MICAL3: variants seen among roughly 807,000 people sequenced by gnomAD.
MICAL3 encodes the protein [F-actin]-monooxygenase MICAL3.
MICAL3 carries 62 observed loss-of-function variants against 207.4 expected under a neutral mutation model. That is an observed-to-expected ratio of 0.30 (90% CI 0.24 to 0.37). The LOEUF (loss-of-function observed/expected upper bound fraction) is 0.37. Ranked by LOEUF, MICAL3 falls within the 10% of genes least tolerant of loss-of-function variation. MICAL3 has a pLI of 1.00. For missense variants in MICAL3, 2,368 were observed against 2,635.6 expected (o/e 0.90, Z 2.22); for synonymous variants, 1,077 against 1,069.3 (o/e 1.01, Z -0.14).
intron 29 of MICAL3, among the ~76,000 whole-genome samples, chr22:17,806,206 T>C (rs1169129320): frequency 6.6e-6 from 1 of 152,218 alleles, no homozygotes; most frequent in Non-Finnish European, 1.5e-5. Context: ...TTCATTTGTT[T>C]ATTTAAATTC....
At position 17,832,076 on chromosome 22, in the gene MICAL3, C is replaced by T; in HGVS notation, c.2833G>A (p.Glu945Lys). The change falls in exon 21 of 32, where the codon GAG becomes AAG. Residue 945 changes from glutamate (E) to lysine (K), a missense_variant. Physicochemically the swap from Glu to Lys is moderately conservative, Grantham distance 56 (BLOSUM62 1). This residue lies in a region of MICAL3 where 1,770 missense variants were observed against 1,863.2 expected (regional missense o/e 0.95). Coordinates refer to ENST00000441493, the MANE Select transcript of MICAL3 (RefSeq NM_015241.3). ...SSESEMEEEGEEEEEEPRLPP... is the reference protein window; with the variant it reads ...SSESEMEEEGKEEEEEPRLPP... ...AGGCGAGGCTCCTCCTCCTCCTCCT[C>T]TCCCTCCTCCTCCATCTCAGACTCG... The T allele has an allele frequency of 6.3e-7, 1 of 1,583,336 alleles. No individual in the cohort carries two copies.
At chr22:17,925,703 A>T (rs1569135095) in intron 1 of MICAL3, among the ~76,000 whole-genome samples, 1 of 152,150 alleles carries the variant, frequency 6.6e-6, no homozygotes, top group East Asian at 1.9e-4. Flanking sequence ...GTGCTTCTCA[A>T]ACTAAAATGA....
intron 20 of MICAL3, among the ~76,000 whole-genome samples, chr22:17,832,573 G>C (rs900710995): frequency 2.0e-5 from 3 of 152,298 alleles, no homozygotes; most frequent in East Asian, 1.9e-4. Flanking sequence ...TTTCATAGAC[G>C]GCCTCGAGGG....
At chr22:17,871,721 T>A (rs2146165990) in intron 17 of MICAL3, 116 bp downstream of exon 17, 1 of 885,392 alleles carries the variant, frequency 1.1e-6, no homozygotes, top group Non-Finnish European at 1.7e-6. Flanking sequence ...GGGAGAGGCA[T>A]GATGGAAAAG....
intron 17 of MICAL3, 46 bp from the exon 18 acceptor site, chr22:17,866,058 GATCCTGAACGTGC>G: frequency 7.1e-7 from 1 of 1,402,872 alleles, no homozygotes; most frequent in Non-Finnish European, 1.0e-6. Context: ...GCCAGGCACG[GATCCTGAACGTGC>G]CTCCCTGGTC....
At chr22:17,791,421 C>A in intron 29 of MICAL3, 120 bp from the exon 30 acceptor site, 1 of 851,252 alleles carries the variant, frequency 1.2e-6, no homozygotes. Context: ...CTTCCACTCC[C>A]AAGCCAGGCC....
chr22:17,795,785 A>G (rs12167254), intron 29 of MICAL3, among the ~76,000 whole-genome samples: 4,581 of 152,216 alleles, frequency 0.03, 224 homozygotes, highest in African/African-American at 0.11. Context: ...GGCTACTTTT[A>G]TAATCAGAAA....
intron 1 of MICAL3, among the ~76,000 whole-genome samples, chr22:17,982,914 A>T (rs1040873826): frequency 1.3e-5 from 2 of 152,266 alleles, no homozygotes; most frequent in Admixed American, 6.5e-5. Flanking sequence ...GGGTGGCGTT[A>T]GTCACAGGGT....
intron 1 of MICAL3, among the ~76,000 whole-genome samples, chr22:18,009,368 TAC>T (rs959849539): frequency 9.3e-5 from 10 of 107,226 alleles, no homozygotes; most frequent in Non-Finnish European, 1.4e-4. Context: ...TATATTAAAA[TAC>T]ACACACACAC....
At chr22:17,799,850 G>A (rs1474092890) in intron 29 of MICAL3, among the ~76,000 whole-genome samples, 1 of 150,998 alleles carries the variant, frequency 6.6e-6, no homozygotes, top group African/African-American at 2.5e-5. Flanking sequence ...CAGGTTGGGA[G>A]GAAAAGTGAA....
chr22:17,810,938 G>A (rs555663219), intron 27 of MICAL3, 125 bp from the exon 28 acceptor site: 162 of 711,878 alleles, frequency 2.3e-4, no homozygotes, highest in African/African-American at 2.8e-4. Flanking sequence ...CGGGCAGATA[G>A]GACAAGCTGT....
At chr22:17,888,165 C>T (rs557493537) in intron 13 of MICAL3, among the ~76,000 whole-genome samples, 2 of 152,284 alleles carry the variant, frequency 1.3e-5, no homozygotes, top group Admixed American at 6.5e-5. Flanking sequence ...TACATATTAT[C>T]CCCATTTTAC....
rs936993395 is a variant in MICAL3 at position 17,788,842 on chromosome 22, A to T, written c.*1890T>A. On this transcript the variant is annotated 3_prime_UTR_variant, in exon 32 of 32. Transcript: ENST00000441493. Reference sequence around the variant, plus strand: ...GAAGCACAGTGTGGTTCCCATGGAAAGCCCAAGGTCAGCACAGCCACTCAG... The same window carrying T: ...GAAGCACAGTGTGGTTCCCATGGAATGCCCAAGGTCAGCACAGCCACTCAG... The T allele has an allele frequency of 1.3e-5, 2 of 152,436 alleles. No homozygotes were observed. Among genetic ancestry groups the T allele is most frequent in the Non-Finnish European group, 2.9e-5 (2 of 68,170 alleles). The allele number at this position is 152,436 out of a possible 1,614,324, so 9.4% of individuals were successfully genotyped here.
At chr22:17,925,945 C>G (rs1288474107) in intron 1 of MICAL3, among the ~76,000 whole-genome samples, 2 of 152,066 alleles carry the variant, frequency 1.3e-5, no homozygotes, top group Non-Finnish European at 2.9e-5. Context: ...CAAACATTTT[C>G]TAAATCACTG....
chr22:17,929,788 G>T (rs577479774), intron 1 of MICAL3, among the ~76,000 whole-genome samples: 20 of 152,060 alleles, frequency 1.3e-4, no homozygotes, highest in African/African-American at 4.6e-4. Flanking sequence ...GGCTGGTCTC[G>T]AACTCCTGAC....
At chr22:17,863,272 A>G in intron 19 of MICAL3, 1 of 985,416 alleles carries the variant, frequency 1.0e-6, no homozygotes, top group Non-Finnish European at 1.2e-6. Flanking sequence ...CGAAATGGAA[A>G]GTTTAGTTTC....
At chr22:17,854,510 C>T (rs548331453) in intron 19 of MICAL3, among the ~76,000 whole-genome samples, 2 of 152,264 alleles carry the variant, frequency 1.3e-5, no homozygotes, top group Admixed American at 6.5e-5. Context: ...GAGGACCAAC[C>T]GAGAACTGCC....
At chr22:17,959,464 G>C (rs1262784219) in intron 1 of MICAL3, among the ~76,000 whole-genome samples, 1 of 151,964 alleles carries the variant, frequency 6.6e-6, no homozygotes, top group East Asian at 1.9e-4. Context: ...ACAGGCACCT[G>C]CCACCAGGCC....
intron 28 of MICAL3, among the ~76,000 whole-genome samples, chr22:17,809,301 T>A (rs2062019071): frequency 6.6e-6 from 1 of 152,174 alleles, no homozygotes; most frequent in African/African-American, 2.4e-5. Flanking sequence ...TGGAGGGGGT[T>A]CCTGAAGAGT....
Sources: gnomAD v4.1 joint callset for allele counts (sites outside exome capture counted in the v4.1 genomes callset) on GRCh38, gnomAD v4.1.1 for gene constraint, gnomAD v4.1.1 regional missense constraint, MANE v1.5 for transcripts, NCBI Gene and HGNC (gene_info 2026-07-23, HGNC 2026-07-21) for gene names.